Variants in ANK2 observed in about 807,000 individuals in gnomAD.
ANK2 encodes ankyrin 2.
Under a neutral mutation model 360.5 loss-of-function variants are expected in ANK2, and 83 were observed. The observed-to-expected ratio is 0.23, with a 90% confidence interval of 0.19 to 0.28. ANK2 has a LOEUF of 0.28. Among genes scored for constraint, ANK2 ranks in the 10% least tolerant of loss-of-function variants. ANK2 has a pLI of 1.00. For missense variants in ANK2, 4,201 were observed against 4,795.7 expected (o/e 0.88, Z 3.66); for synonymous variants, 1,740 against 1,759.5 (o/e 0.99, Z 0.28).
the ANK2 span, among the ~76,000 whole-genome samples, chr4:112,796,710 T>A: frequency 1.3e-5 from 2 of 151,520 alleles, no homozygotes; most frequent in South Asian, 4.2e-4. Context: ...TTCAAATAGG[T>A]ACAGTGGTAT....
chr4:112,754,386 C>T, the ANK2 span, among the ~76,000 whole-genome samples: 80 of 151,672 alleles, frequency 5.3e-4, no homozygotes, highest in Middle Eastern at 6.8e-3. Flanking sequence ...AACATCCTTT[C>T]CAGTTCTAAC....
chr4:113,345,204 A>G (rs2094700819), intron 34 of ANK2, among the ~76,000 whole-genome samples: 1 of 152,204 alleles, frequency 6.6e-6, no homozygotes, highest in Non-Finnish European at 1.5e-5. Context: ...CAAATACTAT[A>G]TGGTTCCTCC....
chr4:113,146,155 G>T (rs1391831193), intron 1 of ANK2, among the ~76,000 whole-genome samples: 1 of 152,080 alleles, frequency 6.6e-6, no homozygotes, highest in African/African-American at 2.4e-5. Flanking sequence ...TGATCAAGTG[G>T]CATGCTTTTG....
intron 1 of ANK2, among the ~76,000 whole-genome samples, chr4:113,144,304 G>A (rs773817282): frequency 1.3e-5 from 2 of 152,094 alleles, no homozygotes; most frequent in Non-Finnish European, 2.9e-5. Flanking sequence ...AAAAAGCAGC[G>A]TGGGGCCCTG....
chr4:113,088,586 TTG>T (rs1450786172), intron 1 of ANK2, among the ~76,000 whole-genome samples: 1 of 152,240 alleles, frequency 6.6e-6, no homozygotes, highest in African/African-American at 2.4e-5. Context: ...ATTAATTTTT[TTG>T]TTTTTTTTTT....
chr4:112,844,997 A>G (rs1446643947), intron 1 of ANK2, among the ~76,000 whole-genome samples: 1 of 152,178 alleles, frequency 6.6e-6, no homozygotes, highest in Non-Finnish European at 1.5e-5. Context: ...TCAGAGAGAA[A>G]TTTCTTATAT....
chr4:113,166,604 T>C (rs1341497206), intron 1 of ANK2, among the ~76,000 whole-genome samples: 4 of 152,056 alleles, frequency 2.6e-5, no homozygotes, highest in African/African-American at 9.7e-5. Context: ...TTTTGTTTTT[T>C]TGGTTTTTTT....
intron 22 of ANK2, among the ~76,000 whole-genome samples, chr4:113,300,429 G>T (rs3025711): frequency 0.13 from 19,490 of 152,056 alleles, 1,322 homozygotes; most frequent in African/African-American, 0.16. Flanking sequence ...ACAAGTTTTT[G>T]ATATATATTT....
At chr4:113,200,094 T>C (rs186130643) in intron 4 of ANK2, among the ~76,000 whole-genome samples, 18 of 152,354 alleles carry the variant, frequency 1.2e-4, no homozygotes, top group African/African-American at 4.1e-4. Flanking sequence ...ACATTATTTT[T>C]ATCTTTGTAA....
At chr4:113,146,850 T>C (rs1273965973) in intron 1 of ANK2, among the ~76,000 whole-genome samples, 2 of 152,314 alleles carry the variant, frequency 1.3e-5, no homozygotes, top group Non-Finnish European at 2.9e-5. Flanking sequence ...GAAACTAAGA[T>C]ATGTAGGATT....
the ANK2 span, among the ~76,000 whole-genome samples, chr4:112,718,888 C>A: frequency 4.9e-3 from 744 of 152,274 alleles, 7 homozygotes; most frequent in African/African-American, 0.017. Flanking sequence ...CTGCCCACCT[C>A]GGCCTCCCAA....
intron 11 of ANK2, 117 bp downstream of exon 11, chr4:113,256,049 T>C: frequency 1.6e-6 from 2 of 1,255,604 alleles, no homozygotes; most frequent in South Asian, 2.5e-5. Context: ...TTAATCCTGC[T>C]AAATTTGTCA....
chr4:113,003,119 A>G (rs1479136078), intron 2 of ANK2, among the ~76,000 whole-genome samples: 1 of 152,184 alleles, frequency 6.6e-6, no homozygotes. Flanking sequence ...GATCTCTTTG[A>G]GTATGGAAAT....
intron 2 of ANK2, among the ~76,000 whole-genome samples, chr4:113,182,406 A>G (rs961014847): frequency 6.6e-6 from 1 of 152,200 alleles, no homozygotes; most frequent in African/African-American, 2.4e-5. Flanking sequence ...TGGCATACCC[A>G]GTGTATAGAT....
intron 1 of ANK2, among the ~76,000 whole-genome samples, chr4:113,155,582 A>C (rs2097256705): frequency 6.6e-6 from 1 of 152,010 alleles, no homozygotes; most frequent in Non-Finnish European, 1.5e-5. Context: ...TAAATGGAAG[A>C]AAAAAGAAAC....
intron 1 of ANK2, among the ~76,000 whole-genome samples, chr4:113,114,192 T>C (rs568872559): frequency 6.6e-6 from 1 of 152,122 alleles, no homozygotes; most frequent in African/African-American, 2.4e-5. Flanking sequence ...GGGTTCCTTT[T>C]CCGAGGTGAG....
At position 113,117,184 on chromosome 4, in the gene ANK2, G is replaced by C. The variant is rs138754906; in HGVS notation, c.85-57232G>C. The C allele has an allele frequency of 1.1e-3, 435 of 405,222 alleles. 1 individual carries two copies. The highest frequency in any genetic ancestry group is 8.2e-3 in the African/African-American group (397 of 48,136). 25.1% of individuals were successfully genotyped at this position (405,222 alleles called of 1,614,324 possible). ...GTGAGTGTTCTGGCTGCCAGCCATTGCCCTGGTGGGGAAAATCACATCTCC... is the reference window on the plus strand; with the variant it reads ...GTGAGTGTTCTGGCTGCCAGCCATTCCCCTGGTGGGGAAAATCACATCTCC... On this transcript the variant is annotated intron_variant, in intron 1 of 45. Transcript: ENST00000357077.
At chr4:112,756,216 T>C in the ANK2 span, among the ~76,000 whole-genome samples, 1 of 145,432 alleles carries the variant, frequency 6.9e-6, no homozygotes, top group Admixed American at 6.7e-5. Flanking sequence ...TCAGCCTGGG[T>C]GACAGAGTGA....
At chr4:113,256,550 C>T (rs2049450922) in intron 11 of ANK2, among the ~76,000 whole-genome samples, 6 of 152,218 alleles carry the variant, frequency 3.9e-5, no homozygotes, top group Admixed American at 3.9e-4. Context: ...AGCTTTATGT[C>T]TCCCCAGTTC....
Sources: gnomAD v4.1 joint callset for allele counts (sites outside exome capture counted in the v4.1 genomes callset) on GRCh38, gnomAD v4.1.1 for gene constraint, MANE v1.5 for transcripts, NCBI Gene and HGNC (gene_info 2026-07-23, HGNC 2026-07-21) for gene names.